The following HTR1E variants were observed in gnomAD, a reference collection of about 807,000 sequenced individuals.
HTR1E encodes the protein 5-HT-1E.
In HTR1E, 3 loss-of-function variants were observed where a neutral mutation model predicts 3.4. That is an observed-to-expected ratio of 0.89 (90% CI 0.41 to 2.31). The LOEUF (loss-of-function observed/expected upper bound fraction) is 2.31. HTR1E is among the 30% of genes most tolerant of loss of function. The pLI, the probability that HTR1E is intolerant of heterozygous loss-of-function variation, is 0.05. For missense variants in HTR1E, 392 were observed against 467.0 expected, an observed-to-expected ratio of 0.84 and a Z score of 1.48; for synonymous variants, 170 against 182.8, an observed-to-expected ratio of 0.93 and a Z score of 0.56.
At chr6:86,949,401 T>C (rs1199709937) in intron 1 of HTR1E, among the ~76,000 whole-genome samples, 1 of 152,202 alleles carries the variant, frequency 6.6e-6, no homozygotes, top group African/African-American at 2.4e-5. Context: ...AGAAAGAAAA[T>C]GCAGGAGAGT....
intron 1 of HTR1E, among the ~76,000 whole-genome samples, chr6:86,968,026 C>A: frequency 6.6e-6 from 1 of 152,106 alleles, no homozygotes; most frequent in South Asian, 2.1e-4. Flanking sequence ...GCATATCAAT[C>A]GAGATAATAA....
At chr6:86,972,294 T>C (rs1767568856) in intron 1 of HTR1E, among the ~76,000 whole-genome samples, 1 of 152,178 alleles carries the variant, frequency 6.6e-6, no homozygotes, top group African/African-American at 2.4e-5. Flanking sequence ...TTTTCATCCC[T>C]TACATTCTTA....
At chr6:87,006,196 A>G in intron 1 of HTR1E, among the ~76,000 whole-genome samples, 1 of 152,200 alleles carries the variant, frequency 6.6e-6, no homozygotes, top group Non-Finnish European at 1.5e-5. Flanking sequence ...CTGAAAATAG[A>G]ACTATTATAT....
At chr6:87,010,358 CG>C (rs1304924893) in intron 1 of HTR1E, among the ~76,000 whole-genome samples, 1 of 102,974 alleles carries the variant, frequency 9.7e-6, no homozygotes, top group Admixed American at 9.6e-5. Flanking sequence ...GCTGGCCGGG[CG>C]GGGGGCTGAC....
rs543857709 is a variant in HTR1E, at chr6:86,967,986, C to T, written c.-186+30163C>T. 2.0e-5 allele frequency among the ~76,000 whole-genome samples: 3 copies of T among 152,130 alleles called. No homozygotes were observed. The East Asian group carries it at 5.8e-4, about 29-fold the overall frequency. On this transcript the variant is annotated intron_variant, in intron 1 of 1. Coordinates refer to ENST00000305344, the MANE Select transcript of HTR1E (RefSeq NM_000865.3). ...TGGCTTTCAGCTATCAGTTTCCCTC[C>T]CTGAAAGCAGTCACTGTAATCATGT...
At chr6:87,001,475 GA>G (rs1768023056) in intron 1 of HTR1E, among the ~76,000 whole-genome samples, 1 of 152,190 alleles carries the variant, frequency 6.6e-6, no homozygotes, top group Non-Finnish European at 1.5e-5. Flanking sequence ...TTGCCACAGA[GA>G]AAGTCAATCA....
At chr6:86,979,984 T>C (rs1431717074) in intron 1 of HTR1E, among the ~76,000 whole-genome samples, 1 of 152,052 alleles carries the variant, frequency 6.6e-6, no homozygotes, top group African/African-American at 2.4e-5. Context: ...ATTCTCACTC[T>C]CTCCCCATAA....
chr6:86,995,323 T>TAA (rs1429442454), intron 1 of HTR1E, among the ~76,000 whole-genome samples: 1 of 148,426 alleles, frequency 6.7e-6, no homozygotes, highest in African/African-American at 2.5e-5. Flanking sequence ...AATAAATAAA[T>TAA]AAAGGTCTAC....
At chr6:87,001,497 G>A (rs555219714) in intron 1 of HTR1E, among the ~76,000 whole-genome samples, 1 of 152,328 alleles carries the variant, frequency 6.6e-6, no homozygotes, top group Non-Finnish European at 1.5e-5. Context: ...CTGAGACCAT[G>A]AGTATTGCCA....
chr6:86,949,030 T>C (rs1027459023), intron 1 of HTR1E, among the ~76,000 whole-genome samples: 2 of 152,228 alleles, frequency 1.3e-5, no homozygotes, highest in Non-Finnish European at 2.9e-5. Context: ...GCAAGTAAAG[T>C]CTCCTTCTCA....
At chr6:86,996,275 G>C (rs116299136) in intron 1 of HTR1E, among the ~76,000 whole-genome samples, 2,729 of 152,082 alleles carry the variant, frequency 0.018, 83 homozygotes, top group African/African-American at 0.061. Context: ...GACCACAATG[G>C]AACCCAACTA....
At chr6:86,971,616 A>AT (rs2127823040) in intron 1 of HTR1E, among the ~76,000 whole-genome samples, 1 of 151,968 alleles carries the variant, frequency 6.6e-6, no homozygotes, top group African/African-American at 2.4e-5. Context: ...AAAAAAAAAA[A>AT]TGAGTTTGGA....
intron 1 of HTR1E, among the ~76,000 whole-genome samples, chr6:86,974,455 T>C (rs1294035208): frequency 2.0e-5 from 3 of 152,208 alleles, no homozygotes; most frequent in East Asian, 1.9e-4. Flanking sequence ...TTTCATGACC[T>C]TGACAATTTA....
chr6:86,971,685 C>T (rs1767559101), intron 1 of HTR1E, among the ~76,000 whole-genome samples: 1 of 151,556 alleles, frequency 6.6e-6, no homozygotes, highest in Admixed American at 6.6e-5. Context: ...TGGACATGAA[C>T]AGAAATCATT....
At position 86,954,819 on chromosome 6, in the gene HTR1E, A is replaced by C. The variant is rs191123867; in HGVS notation, c.-186+16996A>C. 4.1e-3 allele frequency among the ~76,000 whole-genome samples: 623 copies of C among 152,308 alleles called. 2 individuals carry two copies. The highest frequency in any genetic ancestry group is 6.8e-3 in the Non-Finnish European group (465 of 68,020). On this transcript the variant is annotated intron_variant, in intron 1 of 1. Transcript: ENST00000305344. ...CGTAGATACTCTTAATTCTTCTAGA[A>C]AGCTTGAAAGCAATATTTAATGGAA...
intron 1 of HTR1E, among the ~76,000 whole-genome samples, chr6:87,009,606 C>T (rs1472095554): frequency 6.7e-6 from 1 of 148,736 alleles, no homozygotes; most frequent in South Asian, 2.1e-4. Flanking sequence ...GGTGGCCGGG[C>T]AGAGGGGCTC....
chr6:86,957,908 C>T (rs1013843980), intron 1 of HTR1E, among the ~76,000 whole-genome samples: 3 of 152,160 alleles, frequency 2.0e-5, no homozygotes, highest in African/African-American at 7.2e-5. Context: ...GGAGTGTGAG[C>T]AGAGAGGGGG....
chr6:86,962,410 T>C (rs1562062023), intron 1 of HTR1E, among the ~76,000 whole-genome samples: 1 of 152,206 alleles, frequency 6.6e-6, no homozygotes, highest in Non-Finnish European at 1.5e-5. Flanking sequence ...ACAGACCACA[T>C]ATACAATGGT....
At chr6:86,997,518 A>G (rs1767960530) in intron 1 of HTR1E, among the ~76,000 whole-genome samples, 1 of 151,878 alleles carries the variant, frequency 6.6e-6, no homozygotes, top group Admixed American at 6.5e-5. Flanking sequence ...TCAATACCCA[A>G]AATAAAAGAT....
Sources: gnomAD v4.1 joint callset for allele counts (sites outside exome capture counted in the v4.1 genomes callset) on GRCh38, gnomAD v4.1.1 for gene constraint, MANE v1.5 for transcripts, NCBI Gene and HGNC (gene_info 2026-07-23, HGNC 2026-07-21) for gene names.